XPO1: variants seen among roughly 807,000 people sequenced by gnomAD.
XPO1 encodes the protein exportin 1.
In XPO1, 5 loss-of-function variants were observed where a neutral mutation model predicts 133.3. That is an observed-to-expected ratio of 0.04 (90% CI 0.02 to 0.08). The LOEUF (loss-of-function observed/expected upper bound fraction) is 0.08, where lower values mean the gene tolerates loss of function less well. XPO1 is among the 10% of genes least tolerant of loss of function. The pLI is 1.00. For missense variants in XPO1, 506 were observed against 1,267.5 expected (o/e 0.40, Z 9.12); for synonymous variants, 419 against 408.2 (o/e 1.03, Z -0.32).
intron 16 of XPO1, among the ~76,000 whole-genome samples, chr2:61,491,543 A>T (rs980807290): frequency 1.3e-5 from 2 of 151,640 alleles, no homozygotes; most frequent in Non-Finnish European, 1.5e-5. Context: ...GTTTGTTCGG[A>T]ATAATTTTAC....
chr2:61,484,045 A>T lies in XPO1; in HGVS notation c.2569T>A (p.Ser857Thr), dbSNP rs903510809. ...NFFLLLQAVN[S>T]HCFPAFLAIP... ...GCAAGGAATGCTGGGAAACAATGAG[A>T]ATTGACAGCCTGAAGTAGTAAGAAA... The change falls in exon 21 of 25, where the codon TCT becomes ACT. Residue 857 changes from serine to threonine, a missense_variant. Coordinates refer to ENST00000401558, the MANE Select transcript of XPO1 (RefSeq NM_003400.4). 9 of 1,613,870 alleles carry T rather than the reference A, an allele frequency of 5.6e-6. No homozygotes were observed. Among genetic ancestry groups the T allele is most frequent in the Admixed American group, 1.7e-5 (1 of 59,996 alleles).
Position 61,483,953 on chromosome 2 carries a change from C to A in XPO1, c.2661G>T (p.Arg887Ser). 4.3e-6 allele frequency: 7 copies of A among 1,612,858 alleles called. No homozygotes were observed. Among genetic ancestry groups the A allele is most frequent in the Non-Finnish European group, 5.9e-6 (7 of 1,179,698 alleles). Reference sequence around the variant, plus strand: ...TTTATTTACCCGTATCTGCGACATTCCTCATAGTATGTTTGAAAGCCCAAA... The same window carrying A: ...TTTATTTACCCGTATCTGCGACATTACTCATAGTATGTTTGAAAGCCCAAA... Reference protein sequence around the residue: ...SIIWAFKHTMRNVADTGLQIL... With the variant: ...SIIWAFKHTMSNVADTGLQIL... The change falls in exon 21 of 25, where the codon AGG becomes AGT. Residue 887 changes from arginine (R) to serine (S), a missense_variant. Physicochemically the swap from Arg to Ser is moderately radical, Grantham distance 110. Around this residue, in one of 6 missense-constraint regions of XPO1, gnomAD observed 203 missense variants for 365.9 expected, o/e 0.55. Coordinates refer to ENST00000401558, the MANE Select transcript of XPO1 (RefSeq NM_003400.4).
chr2:61,504,965 T>C (rs1697723499), intron 4 of XPO1, among the ~76,000 whole-genome samples: 1 of 152,246 alleles, frequency 6.6e-6, no homozygotes, highest in Admixed American at 6.5e-5. Context: ...CATAGTAACA[T>C]TTATGCTACA....
rs147065295 is a variant in XPO1 at position 61,483,015 on chromosome 2, A to G, written c.2754T>C (p.Tyr918=). 5.6e-6 allele frequency: 9 copies of G among 1,613,922 alleles called. No homozygotes were observed. The highest frequency in any genetic ancestry group is 3.3e-4 in the Middle Eastern group (2 of 6,018). ...EAAAQSFYQT[Y]FCDILQHIFS... is the part of the protein sequence containing the mutation. ...AGATATGCTGGAGAATATCACAAAA[A>G]TAAGTTTGATAAAAACTCTGAGCTG... is the stretch of plus-strand genomic sequence containing the variant. Residue 918 remains tyrosine, a synonymous_variant, in exon 22 of 25, where the codon TAT becomes TAC. Transcript: ENST00000401558.
chr2:61,510,065 A>T (rs529802220), intron 4 of XPO1, among the ~76,000 whole-genome samples: 15 of 152,252 alleles, frequency 9.9e-5, no homozygotes, highest in African/African-American at 3.6e-4. Flanking sequence ...GGATCACTTG[A>T]GGCCAGGAGT....
intron 3 of XPO1, among the ~76,000 whole-genome samples, chr2:61,523,870 A>G (rs1183483285): frequency 2.0e-5 from 3 of 152,224 alleles, no homozygotes; most frequent in African/African-American, 7.2e-5. Flanking sequence ...CATTTCAACT[A>G]AAGTACTACA....
intron 4 of XPO1, among the ~76,000 whole-genome samples, chr2:61,519,976 G>T (rs1698609223): frequency 6.6e-6 from 1 of 152,080 alleles, no homozygotes; most frequent in Non-Finnish European, 1.5e-5. Context: ...GCTGATTTAT[G>T]ATTCCTCTTT....
At chr2:61,500,000 AC>A in intron 6 of XPO1, 106 bp from the exon 7 acceptor site, 2 of 1,138,414 alleles carry the variant, frequency 1.8e-6, no homozygotes. Flanking sequence ...AGGATAAATC[AC>A]TTTTCATTTT....
At chr2:61,528,753 A>T (rs1573223771) in intron 2 of XPO1, among the ~76,000 whole-genome samples, 1 of 21,660 alleles carries the variant, frequency 4.6e-5, no homozygotes, top group Non-Finnish European at 1.1e-4. Flanking sequence ...ATATATATAT[A>T]TATATATATA....
chr2:61,522,576 CA>C, intron 4 of XPO1, 34 bp downstream of exon 4: 1 of 1,586,234 alleles, frequency 6.3e-7, no homozygotes. Flanking sequence ...CCAGGAAAAA[CA>C]AAACTCTGAA....
At chr2:61,479,535 G>A (rs888815070) in intron 24 of XPO1, among the ~76,000 whole-genome samples, 6 of 152,016 alleles carry the variant, frequency 3.9e-5, no homozygotes, top group African/African-American at 1.2e-4. Context: ...TGCTTCTACC[G>A]AAGTATCTCA....
rs1480000878 is a variant in XPO1, at chr2:61,483,288, TATA to T, written c.2678-200_2678-198del. 3.2e-5 allele frequency: 17 copies of T among 529,502 alleles called. 1 individual carries two copies. The South Asian group carries it at 3.9e-4, about 12-fold the overall frequency. 32.8% of individuals were successfully genotyped at this position (529,502 alleles called of 1,614,324 possible). ...ATCCAATGCTGGCTTACTTATAAAT[TATA>T]ATAAGTTGTGTGAGAGCTAAACTGT... On this transcript the variant is annotated intron_variant, in intron 21 of 24. Coordinates refer to ENST00000401558, the MANE Select transcript of XPO1 (RefSeq NM_003400.4).
intron 4 of XPO1, among the ~76,000 whole-genome samples, chr2:61,510,632 C>T (rs1173029418): frequency 6.6e-6 from 1 of 152,094 alleles, no homozygotes; most frequent in Non-Finnish European, 1.5e-5. Context: ...GAGCATCACT[C>T]ATGATAGCCA....
At chr2:61,527,153 A>G (rs551267723) in intron 2 of XPO1, among the ~76,000 whole-genome samples, 55 of 152,224 alleles carry the variant, frequency 3.6e-4, no homozygotes, top group Middle Eastern at 3.4e-3. Context: ...CTCAGCACTT[A>G]AATCAACCAA....
At chr2:61,514,056 G>A (rs1409613566) in intron 4 of XPO1, among the ~76,000 whole-genome samples, 1 of 151,692 alleles carries the variant, frequency 6.6e-6, no homozygotes, top group Non-Finnish European at 1.5e-5. Context: ...GCGTGGTGGT[G>A]CATACCTGTA....
chr2:61,531,376 C>T (rs1358821999), intron 2 of XPO1, among the ~76,000 whole-genome samples: 1 of 152,146 alleles, frequency 6.6e-6, no homozygotes, highest in East Asian at 1.9e-4. Context: ...AATTTAGAAA[C>T]ACTTTTCTTA....
At position 61,492,318 on chromosome 2, in the gene XPO1, G is replaced by C. The variant is rs1476712773; in HGVS notation, c.1723+7C>G. 6.3e-7 allele frequency: 1 copy of C among 1,585,630 alleles called. No homozygotes were observed. Among genetic ancestry groups the C allele is most frequent in the African/African-American group, 1.4e-5 (1 of 72,946 alleles). On this transcript the variant is annotated splice_region_variant and intron_variant, in intron 15 of 24. Coordinates refer to ENST00000401558, the MANE Select transcript of XPO1 (RefSeq NM_003400.4). This position sits in a 1 kb window ranked among gnomAD's most constrained non-coding sequence, Gnocchi z 5.6. Reference sequence around the variant, plus strand: ...AAAAGCAAAATATAGTAAAGAAAGAGATTTACCATGCATGAATTCGAACAG... The same window carrying C: ...AAAAGCAAAATATAGTAAAGAAAGACATTTACCATGCATGAATTCGAACAG...
intron 17 of XPO1, among the ~76,000 whole-genome samples, 192 bp from the exon 18 acceptor site, chr2:61,488,963 G>A (rs1013835475): frequency 3.3e-5 from 5 of 152,060 alleles, no homozygotes; most frequent in South Asian, 2.1e-4. Flanking sequence ...ATAGCCAGGC[G>A]TGGTGGCAGC....
At chr2:61,480,774 A>G (rs985941471) in intron 24 of XPO1, among the ~76,000 whole-genome samples, 1 of 152,192 alleles carries the variant, frequency 6.6e-6, no homozygotes, top group African/African-American at 2.4e-5. Flanking sequence ...GTTCAAAGAA[A>G]AACCCTTCCC....
Sources: gnomAD v4.1 joint callset for allele counts (sites outside exome capture counted in the v4.1 genomes callset) on GRCh38, gnomAD v4.1.1 for gene constraint, gnomAD v4.1.1 regional missense constraint, Gnocchi (gnomAD v3.1) non-coding constraint, MANE v1.5 for transcripts, NCBI Gene and HGNC (gene_info 2026-07-23, HGNC 2026-07-21) for gene names.